FILIP1: variants seen among roughly 807,000 people sequenced by gnomAD.
FILIP1 encodes filamin A interacting protein 1.
FILIP1 carries 61 observed loss-of-function variants against 102.1 expected under a neutral mutation model. The ratio of observed to expected loss-of-function variants is 0.60; its 90% CI spans 0.49 to 0.74. FILIP1 has a LOEUF of 0.74. Among genes scored for constraint, FILIP1 ranks in the 30% least tolerant of loss-of-function variants. The pLI is 0.00. For missense variants in FILIP1, 1,314 were observed against 1,441.2 expected, an observed-to-expected ratio of 0.91 and a Z score of 1.43; for synonymous variants, 491 against 526.9, an observed-to-expected ratio of 0.93 and a Z score of 0.93.
intron 1 of FILIP1, among the ~76,000 whole-genome samples, chr6:75,416,410 C>T (rs1777270957): frequency 6.6e-6 from 1 of 151,894 alleles, no homozygotes; most frequent in Non-Finnish European, 1.5e-5. Context: ...ATGCTAGCAC[C>T]CTGTTTTCTG....
At chr6:75,433,005 G>A (rs575310627) in intron 1 of FILIP1, among the ~76,000 whole-genome samples, 8 of 152,230 alleles carry the variant, frequency 5.3e-5, no homozygotes, top group Non-Finnish European at 8.8e-5. Flanking sequence ...AAGGACATGA[G>A]CTCATCCTTT....
chr6:75,370,157 C>A (rs1484009740), intron 2 of FILIP1, among the ~76,000 whole-genome samples: 1 of 152,188 alleles, frequency 6.6e-6, no homozygotes, highest in African/African-American at 2.4e-5. Context: ...AGTCAAGGAG[C>A]CCTAGAAAAG....
Position 75,308,987 on chromosome 6 carries a change from C to A in FILIP1, c.3436-90G>T, listed in dbSNP as rs534196244. On this transcript the variant is annotated intron_variant, in intron 5 of 5. Coordinates refer to ENST00000237172, the MANE Select transcript of FILIP1 (RefSeq NM_015687.5). ...AATCTGAACATTAGTGGGACTCTTG[C>A]CACACAGGAACACCCACAGAAGACC... The A allele has an allele frequency of 3.1e-5, 43 of 1,401,342 alleles. No homozygotes were observed. The African/African-American group carries it at 5.5e-4, about 18-fold the overall frequency. The allele number at this position is 1,401,342 out of a possible 1,614,324, so 86.8% of individuals were successfully genotyped here.
intron 2 of FILIP1, among the ~76,000 whole-genome samples, chr6:75,371,423 A>G (rs1016790451): frequency 6.6e-6 from 1 of 152,234 alleles, no homozygotes; most frequent in African/African-American, 2.4e-5. Context: ...TTGAGTTTTA[A>G]AATGTAAAAT....
At chr6:75,417,296 A>T (rs1777301331) in intron 1 of FILIP1, among the ~76,000 whole-genome samples, 1 of 152,154 alleles carries the variant, frequency 6.6e-6, no homozygotes, top group African/African-American at 2.4e-5. Context: ...TCTCAGTTAG[A>T]TAAATGAGGT....
At chr6:75,407,579 AAGAG>A (rs1299784287) in intron 2 of FILIP1, among the ~76,000 whole-genome samples, 1 of 152,190 alleles carries the variant, frequency 6.6e-6, no homozygotes, top group East Asian at 1.9e-4. Flanking sequence ...ATTCAGAATG[AAGAG>A]AGAGTCATTC....
At chr6:75,353,914 T>C (rs1774899234) in intron 3 of FILIP1, among the ~76,000 whole-genome samples, 197 bp from the exon 4 acceptor site, 1 of 152,206 alleles carries the variant, frequency 6.6e-6, no homozygotes, top group Admixed American at 6.5e-5. Flanking sequence ...AATGCTGCAG[T>C]AACTTCTGGC....
At chr6:75,463,194 C>T (rs909719126) in intron 1 of FILIP1, among the ~76,000 whole-genome samples, 1 of 152,174 alleles carries the variant, frequency 6.6e-6, no homozygotes, top group African/African-American at 2.4e-5. Context: ...CTGCTCTCAG[C>T]GCACAAAGTA....
intron 2 of FILIP1, among the ~76,000 whole-genome samples, chr6:75,394,009 C>G (rs1219915894): frequency 6.6e-6 from 1 of 152,196 alleles, no homozygotes; most frequent in Non-Finnish European, 1.5e-5. Context: ...AAGCCCTCTG[C>G]AGAGGGATTC....
chr6:75,298,281 TAAAAC>T (rs912460125), intron 6 of FILIP1, among the ~76,000 whole-genome samples: 2 of 152,240 alleles, frequency 1.3e-5, no homozygotes, highest in Non-Finnish European at 2.9e-5. Context: ...AATGTGTTAT[TAAAAC>T]AAATGTCTCA....
Position 75,313,577 on chromosome 6 carries a change from T to C in FILIP1, c.2255A>G (p.Gln752Arg), listed in dbSNP as rs1773296485. 6.2e-7 allele frequency: 1 copy of C among 1,614,016 alleles called. No individual in the cohort carries two copies. The highest frequency in any genetic ancestry group is 1.1e-5 in the South Asian group (1 of 91,054). ...ATTTTCTTCTTCCATAAATCTTTGT[T>C]GAAGTACAGAATAATCTACCTGGAG... Reference protein sequence around the residue: ...SQLQVDYSVLQQRFMEEENKN... With the variant: ...SQLQVDYSVLRQRFMEEENKN... The change falls in exon 5 of 6, where the codon CAA becomes CGA. Residue 752 changes from glutamine (Q) to arginine (R), a missense_variant. By Grantham distance (43) the Gln-to-Arg change is conservative. This residue lies in a region of FILIP1 where 816 missense variants were observed against 913.1 expected (regional missense o/e 0.89). Transcript: ENST00000237172. The surrounding 1 kb of genome is among the most constrained non-coding windows in gnomAD (Gnocchi z 4.2).
intron 3 of FILIP1, among the ~76,000 whole-genome samples, chr6:75,354,624 G>T (rs1267516082): frequency 6.7e-6 from 1 of 150,254 alleles, no homozygotes; most frequent in Middle Eastern, 3.2e-3. Flanking sequence ...TGTAGTGTTC[G>T]CTCAACGTGA....
At chr6:75,415,508 G>C (rs1777234245) in intron 1 of FILIP1, among the ~76,000 whole-genome samples, 1 of 147,144 alleles carries the variant, frequency 6.8e-6, no homozygotes, top group Non-Finnish European at 1.5e-5. Context: ...AACCCTGCCA[G>C]GAGCCAGTTG....
chr6:75,330,559 T>C (rs1260185870), intron 4 of FILIP1, among the ~76,000 whole-genome samples: 1 of 152,176 alleles, frequency 6.6e-6, no homozygotes, highest in Non-Finnish European at 1.5e-5. Flanking sequence ...AAAAAATCTG[T>C]AGACCTGTTG....
At chr6:75,489,542 T>C (rs927018556) in intron 1 of FILIP1, among the ~76,000 whole-genome samples, 1 of 152,094 alleles carries the variant, frequency 6.6e-6, no homozygotes, top group Non-Finnish European at 1.5e-5. Flanking sequence ...AATTATAAAC[T>C]ATAGATTTTA....
At chr6:75,334,065 G>GACA (rs10657439) in intron 4 of FILIP1, among the ~76,000 whole-genome samples, 8,713 of 152,134 alleles carry the variant, frequency 0.057, 322 homozygotes, top group Non-Finnish European at 0.075. Context: ...AAATCCACAT[G>GACA]ACAACAACAA....
chr6:75,346,099 C>T (rs1774572159), intron 4 of FILIP1, among the ~76,000 whole-genome samples: 1 of 152,100 alleles, frequency 6.6e-6, no homozygotes, highest in South Asian at 2.1e-4. Context: ...ATCTAATAGG[C>T]TCTGAGTTTA....
chr6:75,424,284 C>T (rs1275221940), intron 1 of FILIP1, among the ~76,000 whole-genome samples: 2 of 152,178 alleles, frequency 1.3e-5, no homozygotes, highest in African/African-American at 4.8e-5. Context: ...AGTCACAGGG[C>T]ATAGCATCCC....
chr6:75,481,594 C>T (rs1779651439), intron 1 of FILIP1, among the ~76,000 whole-genome samples: 1 of 152,196 alleles, frequency 6.6e-6, no homozygotes, highest in South Asian at 2.1e-4. Context: ...CCAGAATACC[C>T]TATAACCACA....
Sources: allele counts gnomAD v4.1 joint callset (sites outside exome capture counted in the v4.1 genomes callset), GRCh38; gene constraint gnomAD v4.1.1; regional missense constraint gnomAD v4.1.1; non-coding constraint Gnocchi (gnomAD v3.1); transcripts MANE v1.5; gene names NCBI Gene and HGNC (gene_info 2026-07-23, HGNC 2026-07-21).